The following GRIP1 variants were observed in gnomAD, a reference collection of about 807,000 sequenced individuals.
GRIP1 encodes the protein glutamate receptor interacting protein 1.
GRIP1 carries 45 observed loss-of-function variants against 129.9 expected under a neutral mutation model. The observed-to-expected ratio is 0.35, with a 90% CI of 0.27 to 0.44. The LOEUF is 0.44. GRIP1 is among the 20% of genes least tolerant of loss of function. The probability of loss-of-function intolerance (pLI) is 1.00; values close to 1 mark genes in which losing one functional copy is unlikely to be tolerated. For missense variants in GRIP1, 1,196 were observed against 1,396.8 expected (o/e 0.86, Z 2.29); for synonymous variants, 530 against 520.8 (o/e 1.02, Z -0.24).
rs560578719 is a variant in GRIP1, at chr12:66,348,661, T to C, written c.*358A>G. 1 of 258,462 alleles carries C rather than the reference T, an allele frequency of 3.9e-6. No homozygotes were observed. Among genetic ancestry groups the C allele is most frequent in the South Asian group, 5.4e-5 (1 of 18,572 alleles). 16.0% of individuals were successfully genotyped at this position (258,462 alleles called of 1,614,324 possible). ...CTGATTTCAAAGTGAATTAAGGAAA[T>C]CATCACAGAGAATATTTTCAAACAG... On this transcript the variant is annotated 3_prime_UTR_variant, in exon 25 of 25. Transcript: ENST00000359742.
intron 13 of GRIP1, among the ~76,000 whole-genome samples, chr12:66,438,480 G>A (rs982621008): frequency 6.6e-6 from 1 of 150,386 alleles, no homozygotes; most frequent in Non-Finnish European, 1.5e-5. Context: ...CTACCCATTC[G>A]TTCACCGAGT....
chr12:66,897,955 A>G (rs1377585652), intron 1 of GRIP1, among the ~76,000 whole-genome samples: 4 of 152,226 alleles, frequency 2.6e-5, no homozygotes, highest in Non-Finnish European at 4.4e-5. Context: ...AAGAAAAATA[A>G]TCAGTACTGA....
chr12:66,478,667 G>A (rs2059699370), intron 7 of GRIP1, among the ~76,000 whole-genome samples: 1 of 151,788 alleles, frequency 6.6e-6, no homozygotes, highest in Non-Finnish European at 1.5e-5. Flanking sequence ...AGAAAATGTG[G>A]CACATATACA....
chr12:66,954,042 T>C (rs142842625), intron 1 of GRIP1, among the ~76,000 whole-genome samples: 85 of 152,280 alleles, frequency 5.6e-4, no homozygotes, highest in Admixed American at 2.0e-3. Flanking sequence ...CTCCACCGAC[T>C]CCTCTGCACA....
At chr12:66,899,290 T>C (rs1163600723) in intron 1 of GRIP1, among the ~76,000 whole-genome samples, 2 of 152,100 alleles carry the variant, frequency 1.3e-5, no homozygotes, top group Non-Finnish European at 2.9e-5. Flanking sequence ...ACTCATTCAG[T>C]GAAATGCTGC....
chr12:66,567,741 C>A, intron 2 of GRIP1: 2 of 219,354 alleles, frequency 9.1e-6, no homozygotes, highest in South Asian at 1.6e-4. Flanking sequence ...GAAGGCTTCT[C>A]ATCCTTTGGA....
At chr12:66,665,752 A>C (rs958789493) in intron 1 of GRIP1, among the ~76,000 whole-genome samples, 36 of 152,120 alleles carry the variant, frequency 2.4e-4, no homozygotes, top group African/African-American at 8.5e-4. Context: ...AAGTCTTTTG[A>C]GTCACGTAGC....
intron 1 of GRIP1, among the ~76,000 whole-genome samples, chr12:67,055,861 T>C (rs1038857922): frequency 6.6e-6 from 1 of 152,104 alleles, no homozygotes; most frequent in African/African-American, 2.4e-5. Flanking sequence ...GAAGTGAGGA[T>C]CCCAGGTATA....
In GRIP1 at chr12:66,348,875, C is replaced by A; in HGVS notation, c.*144G>T. ...ACTTGAAAAGGGAAGTGAACATGAG[C>A]CATGAGAGAGATTTAAAAGACCCCT... is the stretch of plus-strand genomic sequence containing the variant. On this transcript the variant is annotated 3_prime_UTR_variant, in exon 25 of 25. Transcript: ENST00000359742. 1.3e-6 allele frequency: 1 copy of A among 742,702 alleles called. No individual in the cohort carries two copies. Among genetic ancestry groups the A allele is most frequent in the Non-Finnish European group, 2.4e-6 (1 of 408,448 alleles). The allele number at this position is 742,702 out of a possible 1,614,324, so 46.0% of individuals were successfully genotyped here.
chr12:67,053,955 A>G (rs2043390239), intron 1 of GRIP1, among the ~76,000 whole-genome samples: 1 of 152,258 alleles, frequency 6.6e-6, no homozygotes, highest in Non-Finnish European at 1.5e-5. Context: ...AGACATTAAA[A>G]GGCAGTTTTC....
chr12:66,851,818 T>C (rs2039917660), intron 1 of GRIP1, among the ~76,000 whole-genome samples: 1 of 152,144 alleles, frequency 6.6e-6, no homozygotes, highest in African/African-American at 2.4e-5. Context: ...TTCTTCTTTG[T>C]AGTAAATAAG....
chr12:66,480,802 G>A (rs1464684031), intron 7 of GRIP1, among the ~76,000 whole-genome samples: 1 of 152,116 alleles, frequency 6.6e-6, no homozygotes. Flanking sequence ...ACAAAAACAA[G>A]CAATGGGGAA....
intron 1 of GRIP1, among the ~76,000 whole-genome samples, chr12:66,758,391 G>A (rs145752427): frequency 9.0e-5 from 13 of 144,976 alleles, no homozygotes; most frequent in African/African-American, 1.8e-4. Context: ...CCCCACCCCC[G>A]GTTCTTCCTA....
At chr12:66,814,625 T>A (rs561900003) in intron 1 of GRIP1, among the ~76,000 whole-genome samples, 1 of 148,458 alleles carries the variant, frequency 6.7e-6, no homozygotes, top group East Asian at 2.0e-4. Context: ...CATGTCTTAA[T>A]GAAGCTTACA....
Position 66,541,862 on chromosome 12 carries a change from A to G in GRIP1, c.225T>C (p.Asp75=), listed in dbSNP as rs545466966. 2 of 1,614,074 alleles carry G rather than the reference A, an allele frequency of 1.2e-6. No individual in the cohort carries two copies. Among genetic ancestry groups the G allele is most frequent in the South Asian group, 2.2e-5 (2 of 91,078 alleles). ...GCAGATTAGATACTCTTGGCTTGCC[A>G]TCCTTATCAATTCCTCCCGATACCG... ...GLTVSGGIDK[D]GKPRVSNLRQ... The change falls in exon 3 of 25, where the codon GAT becomes GAC. Residue 75 remains aspartate (D), a synonymous_variant. Transcript: ENST00000359742.
chr12:66,887,003 A>C (rs569125463), intron 1 of GRIP1, among the ~76,000 whole-genome samples: 2 of 152,194 alleles, frequency 1.3e-5, no homozygotes, highest in Non-Finnish European at 2.9e-5. Context: ...CTATCTCACC[A>C]TCTCCCAGTA....
intron 9 of GRIP1, among the ~76,000 whole-genome samples, chr12:66,461,511 T>C (rs531361104): frequency 1.3e-5 from 2 of 152,370 alleles, no homozygotes; most frequent in Admixed American, 6.5e-5. Context: ...GGCACCTTCC[T>C]ACAGCTGTTT....
At chr12:66,863,376 A>C (rs899880190) in intron 1 of GRIP1, among the ~76,000 whole-genome samples, 3 of 152,190 alleles carry the variant, frequency 2.0e-5, no homozygotes, top group African/African-American at 4.8e-5. Flanking sequence ...ATAAATAAAT[A>C]AATCTATAAA....
rs77791334 is a variant in GRIP1, at chr12:66,707,873, C to T, written c.-419-77537G>A. 2.8e-3 allele frequency among the ~76,000 whole-genome samples: 433 copies of T among 152,012 alleles called. 9 individuals are homozygous for T. In the East Asian group the frequency reaches 0.03, roughly 10 times the overall value. ...AAAAGAAATTACTAGTGTCATTAAA[C>T]GTACATTTGAAATGAGACACTATCT... On this transcript the variant is annotated intron_variant, in intron 1 of 4. Coordinates refer to the GRIP1 transcript ENST00000538373.
Sources: allele counts gnomAD v4.1 joint callset (sites outside exome capture counted in the v4.1 genomes callset), GRCh38; gene constraint gnomAD v4.1.1; transcripts MANE v1.5; gene names NCBI Gene and HGNC (gene_info 2026-07-23, HGNC 2026-07-21).